Variants in CACNA1E observed in about 807,000 individuals in gnomAD.
The protein encoded by CACNA1E is voltage-dependent R-type calcium channel subunit alpha-1E.
Under a neutral mutation model 259.2 loss-of-function variants are expected in CACNA1E, and 40 were observed. That is an observed-to-expected ratio of 0.15 (90% CI 0.12 to 0.20). The LOEUF (loss-of-function observed/expected upper bound fraction) is 0.20. Ranked by LOEUF, CACNA1E falls within the 10% of genes least tolerant of loss-of-function variation. CACNA1E has a pLI of 1.00. For synonymous variants in CACNA1E, 1,104 were observed against 1,138.5 expected, an observed-to-expected ratio of 0.97 and a Z score of 0.61; for missense variants, 1,874 against 3,040.1, an observed-to-expected ratio of 0.62 and a Z score of 9.02.
At chr1:181,422,364 A>G (rs558031036) in intron 2 of CACNA1E, among the ~76,000 whole-genome samples, 3 of 152,296 alleles carry the variant, frequency 2.0e-5, no homozygotes, top group African/African-American at 4.8e-5. Context: ...AACAGTGGCT[A>G]TGGTTATAGT....
intron 38 of CACNA1E, among the ~76,000 whole-genome samples, chr1:181,778,839 C>T (rs1660180025): frequency 6.6e-6 from 1 of 152,160 alleles, no homozygotes; most frequent in South Asian, 2.1e-4. Context: ...AGAAGACTTG[C>T]CCAAGCTGAA....
At chr1:181,791,637 A>G (rs1661319404) in intron 44 of CACNA1E, among the ~76,000 whole-genome samples, 1 of 152,210 alleles carries the variant, frequency 6.6e-6, no homozygotes, top group African/African-American at 2.4e-5. Flanking sequence ...CATGAGCTCA[A>G]GGTCCCCCAC....
At chr1:181,515,949 G>T (rs1264716552) in intron 3 of CACNA1E, among the ~76,000 whole-genome samples, 6 of 152,174 alleles carry the variant, frequency 3.9e-5, no homozygotes, top group African/African-American at 1.2e-4. Flanking sequence ...CTGGGGTAAA[G>T]AGGGATTGTC....
chr1:181,600,455 G>A lies in CACNA1E; in HGVS notation c.951+19679G>A, dbSNP rs1315543099. On this transcript the variant is annotated intron_variant, in intron 6 of 47. Coordinates refer to ENST00000367573, the MANE Select transcript of CACNA1E (RefSeq NM_001205293.3). ...GCCATGGCAGGGCAAGAGTGGAGGC[G>A]GGCAGCTGGCAGTGGTGGTGCAGCC... Among the ~76,000 whole-genome samples, 5 of 152,186 alleles carry A rather than the reference G, an allele frequency of 3.3e-5. No individual in the cohort carries two copies. In the East Asian group the frequency reaches 9.6e-4, roughly 29 times the overall value.
At chr1:181,329,023 C>T (rs1290733881) in intron 1 of CACNA1E, among the ~76,000 whole-genome samples, 1 of 152,180 alleles carries the variant, frequency 6.6e-6, no homozygotes, top group African/African-American at 2.4e-5. Context: ...GTCTCAGAGG[C>T]ATCTCACAGT....
intron 1 of CACNA1E, among the ~76,000 whole-genome samples, chr1:181,509,241 C>T (rs1031041211): frequency 2.6e-5 from 4 of 152,278 alleles, no homozygotes; most frequent in Admixed American, 2.6e-4. Flanking sequence ...CTGCCTTGCC[C>T]TCCCCAGAGA....
At chr1:181,706,248 A>T (rs1375196044) in intron 7 of CACNA1E, among the ~76,000 whole-genome samples, 1 of 152,146 alleles carries the variant, frequency 6.6e-6, no homozygotes, top group East Asian at 1.9e-4. Flanking sequence ...GGAATTCAGC[A>T]GTCATCTGGT....
At position 181,799,223 on chromosome 1, in the gene CACNA1E, T is replaced by C. The variant is rs1662087382; in HGVS notation, c.*389T>C. The C allele has an allele frequency of 6.1e-6, 1 of 164,654 alleles. No homozygotes were observed. Among genetic ancestry groups the C allele is most frequent in the Admixed American group, 6.2e-5 (1 of 16,176 alleles). The allele number at this position is 164,654 out of a possible 1,614,324, so 10.2% of individuals were successfully genotyped here. A position where few individuals can be genotyped will look rare whatever the true frequency, so the allele number is the denominator to read the frequency against. ...GCCCTGAGAAGCCTGGAAGACTTTC[T>C]GGCTCTTAACTGGGGAGTAGTGGAG... On this transcript the variant is annotated 3_prime_UTR_variant, in exon 48 of 48. Transcript: ENST00000367573.
At chr1:181,609,246 C>A (rs1241439344) in intron 6 of CACNA1E, among the ~76,000 whole-genome samples, 1 of 152,152 alleles carries the variant, frequency 6.6e-6, no homozygotes, top group East Asian at 1.9e-4. Flanking sequence ...GGGTGTAGGC[C>A]TGAAATAAGA....
intron 6 of CACNA1E, among the ~76,000 whole-genome samples, chr1:181,631,394 A>G (rs980839759): frequency 6.6e-6 from 1 of 151,812 alleles, no homozygotes; most frequent in African/African-American, 2.4e-5. Flanking sequence ...CCTGTATATC[A>G]TCTGCTATGC....
At position 181,776,152 on chromosome 1, in the gene CACNA1E, C is replaced by T; in HGVS notation, c.5191C>T (p.Arg1731Trp). ...VIMDNFEYLT[R>W]DSSILGPHHL... The stretch of plus-strand genomic sequence containing the variant: ...CATGGACAACTTTGAGTACCTGACT[C>T]GGGACTCCTCCATCCTGGGGCCTCA... Residue 1731 changes from arginine to tryptophan, a missense_variant, in exon 38 of 48, where the codon CGG (arginine) becomes TGG (tryptophan). Coordinates refer to ENST00000367573, the MANE Select transcript of CACNA1E (RefSeq NM_001205293.3). The surrounding 1 kb of genome is among the most constrained non-coding windows in gnomAD (Gnocchi z 4.4). 6.2e-7 allele frequency: 1 copy of T among 1,613,758 alleles called. No individual in the cohort carries two copies. Among genetic ancestry groups the T allele is most frequent in the East Asian group, 2.2e-5 (1 of 44,884 alleles).
At chr1:181,449,611 T>C (rs1056896830) in intron 2 of CACNA1E, among the ~76,000 whole-genome samples, 1 of 152,182 alleles carries the variant, frequency 6.6e-6, no homozygotes, top group African/African-American at 2.4e-5. Flanking sequence ...GAAGTGTGCA[T>C]GAAGTGGTGT....
chr1:181,557,621 C>A (rs554450861), intron 3 of CACNA1E, among the ~76,000 whole-genome samples: 1 of 152,312 alleles, frequency 6.6e-6, no homozygotes, highest in African/African-American at 2.4e-5. Flanking sequence ...GTGGCTGAGC[C>A]TCCAACTTGC....
intron 6 of CACNA1E, among the ~76,000 whole-genome samples, chr1:181,608,958 C>T (rs1365328744): frequency 1.3e-5 from 2 of 152,230 alleles, no homozygotes; most frequent in Admixed American, 6.5e-5. Flanking sequence ...CAATCTTCTG[C>T]CACAGCCTGG....
intron 3 of CACNA1E, among the ~76,000 whole-genome samples, chr1:181,528,937 A>G (rs958996897): frequency 6.6e-6 from 1 of 152,262 alleles, no homozygotes; most frequent in South Asian, 2.1e-4. Context: ...GGAGAAATTC[A>G]TGCTGGCTGC....
chr1:181,346,351 T>TA (rs1354453203), intron 1 of CACNA1E, among the ~76,000 whole-genome samples: 2 of 152,262 alleles, frequency 1.3e-5, no homozygotes, highest in Non-Finnish European at 2.9e-5. Context: ...TGTTGTACTT[T>TA]AAAAACATTT....
At chr1:181,486,735 T>C (rs542446705) in intron 1 of CACNA1E, among the ~76,000 whole-genome samples, 2 of 152,360 alleles carry the variant, frequency 1.3e-5, no homozygotes, top group East Asian at 3.8e-4. Flanking sequence ...TAAAACATTA[T>C]CTAATTACCC....
chr1:181,416,626 C>T (rs769848809), intron 2 of CACNA1E, among the ~76,000 whole-genome samples: 1 of 152,136 alleles, frequency 6.6e-6, no homozygotes, highest in Admixed American at 6.5e-5. Flanking sequence ...CCCAGGAATG[C>T]GGCTTGCTCT....
At chr1:181,495,156 G>A (rs935388870) in intron 1 of CACNA1E, among the ~76,000 whole-genome samples, 16 of 152,138 alleles carry the variant, frequency 1.1e-4, no homozygotes, top group African/African-American at 3.4e-4. Flanking sequence ...AAAGTGTTGT[G>A]TCCTAGATCT....
Sources: gnomAD v4.1 joint callset for allele counts (sites outside exome capture counted in the v4.1 genomes callset) on GRCh38, gnomAD v4.1.1 for gene constraint, Gnocchi (gnomAD v3.1) non-coding constraint, MANE v1.5 for transcripts, NCBI Gene and HGNC (gene_info 2026-07-23, HGNC 2026-07-21) for gene names.